Variants in MYO1E observed in about 807,000 individuals in gnomAD.
MYO1E encodes the protein myosin IE, also known as unconventional myosin-Ie.
MYO1E carries 68 observed loss-of-function variants against 151.1 expected under a neutral mutation model. That is an observed-to-expected ratio of 0.45 (90% CI 0.37 to 0.55). MYO1E has a LOEUF of 0.55. Ranked by LOEUF, MYO1E falls within the 20% of genes least tolerant of loss-of-function variation. The pLI is 0.00. For missense variants in MYO1E, 1,363 were observed against 1,389.3 expected (o/e 0.98, Z 0.30); for synonymous variants, 601 against 501.7 (o/e 1.20, Z -2.64).
chr15:59,163,049 C>A, intron 23 of MYO1E, 108 bp downstream of exon 23: 1 of 1,306,366 alleles, frequency 7.7e-7, no homozygotes. Flanking sequence ...AGCCAGACCC[C>A]ACTCTTCTCC....
intron 17 of MYO1E, among the ~76,000 whole-genome samples, chr15:59,193,661 G>A (rs2079747928): frequency 6.6e-6 from 1 of 152,174 alleles, no homozygotes; most frequent in Non-Finnish European, 1.5e-5. Context: ...CAGTGGCAAA[G>A]TAATGAGAAT....
At chr15:59,201,678 A>G (rs1444057362) in intron 16 of MYO1E, among the ~76,000 whole-genome samples, 1 of 152,190 alleles carries the variant, frequency 6.6e-6, no homozygotes, top group African/African-American at 2.4e-5. Context: ...TGCTGGGATT[A>G]CAGGCGTGAG....
At chr15:59,322,034 G>A (rs1410169304) in intron 1 of MYO1E, among the ~76,000 whole-genome samples, 2 of 151,970 alleles carry the variant, frequency 1.3e-5, no homozygotes, top group African/African-American at 4.8e-5. Flanking sequence ...AAATAGCTGG[G>A]TGTGGTGGCG....
intron 17 of MYO1E, among the ~76,000 whole-genome samples, chr15:59,191,332 C>CAGAG (rs34694267): frequency 0.02 from 2,126 of 105,714 alleles, 54 homozygotes; most frequent in Admixed American, 0.049. Context: ...CAGACAGAGA[C>CAGAG]AGAGAGAGAG....
chr15:59,173,629 C>A, intron 21 of MYO1E, 117 bp downstream of exon 21: 1 of 1,322,036 alleles, frequency 7.6e-7, no homozygotes, highest in Non-Finnish European at 1.1e-6. Flanking sequence ...TGTATTTTCT[C>A]TAAATTTTTC....
Position 59,133,684 on chromosome 15 carries a change from G to C in MYO1E, c.*3696C>G, listed in dbSNP as rs1417002640. 1 of 152,188 alleles carries C rather than the reference G, an allele frequency of 6.6e-6. No individual in the cohort carries two copies. Among genetic ancestry groups the C allele is most frequent in the Non-Finnish European group, 1.5e-5 (1 of 68,056 alleles). 9.4% of individuals were successfully genotyped at this position (152,188 alleles called of 1,614,324 possible). On this transcript the variant is annotated 3_prime_UTR_variant, in exon 28 of 28. Transcript: ENST00000288235. Reference sequence around the variant, plus strand: ...TTTCTTTTGATCACAAAAGTGAGGGGTGCCAGAAACACAGAGTTAAATTGT... The same window carrying C: ...TTTCTTTTGATCACAAAAGTGAGGGCTGCCAGAAACACAGAGTTAAATTGT...
At chr15:59,351,889 C>T (rs1397232978) in intron 1 of MYO1E, among the ~76,000 whole-genome samples, 1 of 152,212 alleles carries the variant, frequency 6.6e-6, no homozygotes, top group African/African-American at 2.4e-5. Context: ...CTGGAGTGTT[C>T]TGAAGGCTGG....
intron 1 of MYO1E, among the ~76,000 whole-genome samples, chr15:59,297,033 T>TCAG (rs1567006983): frequency 1.9e-5 from 1 of 51,690 alleles, no homozygotes; most frequent in Non-Finnish European, 4.7e-5. Flanking sequence ...TTGTGTTTTT[T>TCAG]TGTAGAGACA....
intron 1 of MYO1E, among the ~76,000 whole-genome samples, chr15:59,305,472 G>A (rs1364090264): frequency 1.3e-5 from 2 of 152,290 alleles, no homozygotes. Context: ...TAGGATTACA[G>A]CCATGAGCCA....
intron 2 of MYO1E, among the ~76,000 whole-genome samples, chr15:59,268,463 A>T (rs111336108): frequency 0.021 from 3,133 of 152,302 alleles, 79 homozygotes; most frequent in African/African-American, 0.053. Context: ...TGTGTGAGTC[A>T]TTTAAAAATT....
chr15:59,146,697 TATATATA>T (rs2079443535), intron 26 of MYO1E, among the ~76,000 whole-genome samples: 2 of 148,736 alleles, frequency 1.3e-5, no homozygotes, highest in Admixed American at 6.7e-5. Flanking sequence ...AGGCTCATTA[TATATATA>T]ATATATATTA....
chr15:59,150,597 G>A (rs1405054301), intron 26 of MYO1E, among the ~76,000 whole-genome samples: 1 of 152,206 alleles, frequency 6.6e-6, no homozygotes, highest in Non-Finnish European at 1.5e-5. Context: ...GGGCCTAGGT[G>A]GGATTGTGAC....
At chr15:59,339,656 A>G (rs1354066499) in intron 1 of MYO1E, among the ~76,000 whole-genome samples, 1 of 152,050 alleles carries the variant, frequency 6.6e-6, no homozygotes, top group Non-Finnish European at 1.5e-5. Flanking sequence ...TCTCGTTCCT[A>G]TAGTCAACTT....
intron 9 of MYO1E, among the ~76,000 whole-genome samples, chr15:59,222,113 T>C (rs1452084899): frequency 2.6e-5 from 4 of 152,192 alleles, no homozygotes; most frequent in South Asian, 2.1e-4. Context: ...CTTTATCAGA[T>C]AGACATCAGA....
intron 1 of MYO1E, among the ~76,000 whole-genome samples, chr15:59,368,659 T>C (rs1473066927): frequency 1.3e-5 from 2 of 152,022 alleles, no homozygotes; most frequent in African/African-American, 2.4e-5. Context: ...GGCAGGAGAA[T>C]CGTTTGAAAC....
At chr15:59,280,059 A>G (rs1208858951) in intron 1 of MYO1E, among the ~76,000 whole-genome samples, 3 of 152,174 alleles carry the variant, frequency 2.0e-5, no homozygotes, top group African/African-American at 7.2e-5. Context: ...ACTGTTTTCC[A>G]TATTTTTTAT....
intron 1 of MYO1E, among the ~76,000 whole-genome samples, chr15:59,273,641 G>A (rs1287332100): frequency 1.2e-5 from 1 of 84,354 alleles, no homozygotes; most frequent in Non-Finnish European, 2.3e-5. Flanking sequence ...GAGGAGGAAG[G>A]ACATTCATTA....
chr15:59,188,523 C>G (rs1353595698), intron 17 of MYO1E, among the ~76,000 whole-genome samples: 4 of 151,990 alleles, frequency 2.6e-5, no homozygotes, highest in African/African-American at 7.3e-5. Flanking sequence ...TGGTGAAACC[C>G]TGTCTCTATT....
chr15:59,208,900 C>G (rs1264432131), intron 13 of MYO1E, 52 bp from the exon 14 acceptor site: 3 of 1,604,838 alleles, frequency 1.9e-6, no homozygotes, highest in Non-Finnish European at 2.6e-6. Flanking sequence ...CCAAAACAGA[C>G]AATGCTTATC....
Sources: gnomAD v4.1 joint callset for allele counts (sites outside exome capture counted in the v4.1 genomes callset) on GRCh38, gnomAD v4.1.1 for gene constraint, MANE v1.5 for transcripts, NCBI Gene and HGNC (gene_info 2026-07-23, HGNC 2026-07-21) for gene names.